Variants in GOLGA5 observed in about 807,000 individuals in gnomAD.
GOLGA5 encodes golgin A5.
Under a neutral mutation model 93.5 loss-of-function variants are expected in GOLGA5, and 50 were observed. The ratio of observed to expected loss-of-function variants is 0.53; its 90% confidence interval spans 0.43 to 0.68. The LOEUF is 0.68. GOLGA5 is among the 30% of genes least tolerant of loss of function. The probability of loss-of-function intolerance (pLI) is 0.00; values close to 1 mark genes in which losing one functional copy is unlikely to be tolerated. For missense variants in GOLGA5, 760 were observed against 856.4 expected (o/e 0.89, Z 1.40); for synonymous variants, 312 against 304.5 (o/e 1.02, Z -0.26).
At chr14:92,805,989 A>G (rs1350438983) in intron 2 of GOLGA5, among the ~76,000 whole-genome samples, 1 of 149,846 alleles carries the variant, frequency 6.7e-6, no homozygotes, top group Non-Finnish European at 1.5e-5. Context: ...TAAAAAAAAA[A>G]AACAAAAAAC....
intron 2 of GOLGA5, among the ~76,000 whole-genome samples, chr14:92,802,180 T>C (rs1259359497): frequency 6.6e-6 from 1 of 152,218 alleles, no homozygotes; most frequent in Non-Finnish European, 1.5e-5. Flanking sequence ...TTTCAACATA[T>C]TTTGTAGTGT....
At chr14:92,801,846 A>G (rs1410328405) in intron 2 of GOLGA5, among the ~76,000 whole-genome samples, 1 of 151,466 alleles carries the variant, frequency 6.6e-6, no homozygotes, top group Non-Finnish European at 1.5e-5. Flanking sequence ...TCAAGTATTC[A>G]TTAGTGTGTT....
intron 2 of GOLGA5, among the ~76,000 whole-genome samples, chr14:92,798,403 T>G (rs1251922529): frequency 6.6e-6 from 1 of 152,068 alleles, no homozygotes; most frequent in Non-Finnish European, 1.5e-5. Context: ...TTTTTGTGTG[T>G]TTTTCCCCCC....
intron 2 of GOLGA5, among the ~76,000 whole-genome samples, 166 bp from the exon 3 acceptor site, chr14:92,806,570 C>G (rs2140316665): frequency 6.6e-6 from 1 of 152,314 alleles, no homozygotes; most frequent in South Asian, 2.1e-4. Flanking sequence ...GCCTCGGCCT[C>G]CCAAAATGCT....
chr14:92,822,796 A>G (rs894482324), intron 8 of GOLGA5, among the ~76,000 whole-genome samples: 1 of 152,098 alleles, frequency 6.6e-6, no homozygotes, highest in African/African-American at 2.4e-5. Context: ...AGCTGGGATT[A>G]CAGACGTTCA....
At chr14:92,837,508 T>TC in intron 12 of GOLGA5, 59 bp downstream of exon 12, 1 of 765,370 alleles carries the variant, frequency 1.3e-6, no homozygotes, top group South Asian at 1.5e-5. Flanking sequence ...GTTTTTTTTT[T>TC]TGTTTGTTTG....
chr14:92,814,080 G>T lies in GOLGA5; in HGVS notation c.1321-2171G>T, dbSNP rs1885155325. ...AGGAGAGTATGACGAATTATGGTAAGTATGCAAAATTGATGCAACATTGAG... is the reference window on the plus strand; with the variant it reads ...AGGAGAGTATGACGAATTATGGTAATTATGCAAAATTGATGCAACATTGAG... On this transcript the variant is annotated intron_variant, in intron 6 of 12. Coordinates refer to ENST00000163416, the MANE Select transcript of GOLGA5 (RefSeq NM_005113.4). Among the ~76,000 whole-genome samples, 3 of 152,122 alleles carry T rather than the reference G, an allele frequency of 2.0e-5. No individual in the cohort carries two copies. In the South Asian group the frequency reaches 6.2e-4, roughly 32 times the overall value.
At chr14:92,836,088 C>A (rs1885635645) in intron 11 of GOLGA5, among the ~76,000 whole-genome samples, 1 of 151,906 alleles carries the variant, frequency 6.6e-6, no homozygotes, top group Non-Finnish European at 1.5e-5. Flanking sequence ...CTATATATAG[C>A]TGAACAGCAC....
chr14:92,814,537 G>A (rs1885165104), intron 6 of GOLGA5, among the ~76,000 whole-genome samples: 2 of 152,106 alleles, frequency 1.3e-5, no homozygotes, highest in South Asian at 4.2e-4. Context: ...GCTAGATGGG[G>A]GAATGAGGTT....
At chr14:92,813,937 A>T (rs1290064047) in intron 6 of GOLGA5, among the ~76,000 whole-genome samples, 1 of 152,002 alleles carries the variant, frequency 6.6e-6, no homozygotes, top group East Asian at 1.9e-4. Context: ...AACTGGAAGG[A>T]TGGGGGAAAA....
chr14:92,830,352 A>C, intron 9 of GOLGA5, among the ~76,000 whole-genome samples: 1 of 152,002 alleles, frequency 6.6e-6, no homozygotes, highest in Admixed American at 6.6e-5. Flanking sequence ...CCCATAGTCA[A>C]CCCAACACAG....
chr14:92,812,057 C>T (rs188341409), intron 6 of GOLGA5, among the ~76,000 whole-genome samples: 19 of 152,254 alleles, frequency 1.2e-4, no homozygotes, highest in Admixed American at 3.3e-4. Context: ...TTGTTGATCT[C>T]CTATTGAATT....
intron 10 of GOLGA5, among the ~76,000 whole-genome samples, chr14:92,835,137 T>C (rs1208907800): frequency 1.3e-5 from 2 of 152,052 alleles, no homozygotes; most frequent in Admixed American, 1.3e-4. Context: ...GCCCGTTAGA[T>C]ATCTGGATGG....
At position 92,816,328 on chromosome 14, in the gene GOLGA5, G is replaced by C. The variant is rs374187542; in HGVS notation, c.1398G>C (p.Met466Ile). Residue 466 changes from methionine to isoleucine, a missense_variant, in exon 7 of 13, where the codon ATG becomes ATC. Met to Ile is a conservative substitution (Grantham distance 10). Transcript: ENST00000163416. ...EGLDSSTASS[M>I]ELEELRHEKE... ...TAGATAGCAGCACTGCCAGTAGCAT[G>C]GAGCTGGAAGAACTTCGGCATGAGA... The C allele has an allele frequency of 4.3e-6, 7 of 1,613,772 alleles. No individual in the cohort carries two copies. The African/African-American group carries it at 8.0e-5, about 18-fold the overall frequency.
chr14:92,838,713 T>A (rs991568584), intron 12 of GOLGA5, among the ~76,000 whole-genome samples: 2 of 152,056 alleles, frequency 1.3e-5, no homozygotes, highest in African/African-American at 4.8e-5. Context: ...CAAAAAAAAA[T>A]TGAATGGCAT....
chr14:92,811,725 T>G lies in GOLGA5; in HGVS notation c.1291T>G (p.Tyr431Asp). The change falls in exon 6 of 13, where the codon TAC becomes GAC. Residue 431 changes from tyrosine (Y) to aspartate (D), a missense_variant. Physicochemically the swap from Tyr to Asp is radical, Grantham distance 160 (BLOSUM62 -3). Coordinates refer to ENST00000163416, the MANE Select transcript of GOLGA5 (RefSeq NM_005113.4). ...LESSKQELID[Y>D]KQKATRILQS... Reference sequence around the variant, plus strand: ...GTCCTCTAAGCAGGAATTAATTGACTACAAGCAAAAAGCTACTAGAATACT... The same window carrying G: ...GTCCTCTAAGCAGGAATTAATTGACGACAAGCAAAAAGCTACTAGAATACT... The G allele has an allele frequency of 1.2e-6, 2 of 1,612,300 alleles. No individual in the cohort carries two copies. Among genetic ancestry groups the G allele is most frequent in the South Asian group, 2.2e-5 (2 of 90,850 alleles).
At chr14:92,816,562 C>T (rs998779808) in intron 7 of GOLGA5, 141 bp downstream of exon 7, 5 of 629,936 alleles carry the variant, frequency 7.9e-6, no homozygotes, top group Non-Finnish European at 1.4e-5. Flanking sequence ...TCTTCCTCCT[C>T]CTCTTCCTCT....
intron 3 of GOLGA5, 120 bp from the exon 4 acceptor site, chr14:92,809,180 G>GT (rs1288583227): frequency 3.1e-6 from 2 of 655,200 alleles, no homozygotes; most frequent in East Asian, 5.5e-5. Flanking sequence ...TTGAAGACGT[G>GT]TAAGTTCCCA....
chr14:92,803,757 A>G (rs958912765), intron 2 of GOLGA5, among the ~76,000 whole-genome samples: 3 of 152,236 alleles, frequency 2.0e-5, no homozygotes, highest in Admixed American at 6.5e-5. Flanking sequence ...CCAATGCTTG[A>G]TCATGCATAC....
Sources: allele counts gnomAD v4.1 joint callset (sites outside exome capture counted in the v4.1 genomes callset), GRCh38; gene constraint gnomAD v4.1.1; transcripts MANE v1.5; gene names NCBI Gene and HGNC (gene_info 2026-07-23, HGNC 2026-07-21).